RBFOX1: variants seen among roughly 807,000 people sequenced by gnomAD.
RBFOX1 encodes the protein RNA binding fox-1 homolog 1.
In RBFOX1, 8 loss-of-function variants were observed where a neutral mutation model predicts 57.7. The observed-to-expected ratio is 0.14, with a 90% CI of 0.08 to 0.25. The LOEUF is 0.25. RBFOX1 is among the 10% of genes least tolerant of loss of function. RBFOX1 has a pLI of 1.00. For missense variants in RBFOX1, 611 were observed against 548.5 expected, an observed-to-expected ratio of 1.11 and a Z score of -1.14; for synonymous variants, 326 against 222.4, an observed-to-expected ratio of 1.47 and a Z score of -4.15.
At chr16:5,728,573 A>C (rs2052240505) in intron 3 of RBFOX1, among the ~76,000 whole-genome samples, 1 of 152,052 alleles carries the variant, frequency 6.6e-6, no homozygotes, top group African/African-American at 2.4e-5. Flanking sequence ...GAAAGGCGGG[A>C]ACACCATTCT....
chr16:6,662,813 A>T (rs903661807), intron 3 of RBFOX1, among the ~76,000 whole-genome samples: 2 of 152,356 alleles, frequency 1.3e-5, no homozygotes, highest in Non-Finnish European at 2.9e-5. Context: ...ATGACAAAAA[A>T]AATACTGTTC....
At chr16:5,469,310 A>C (rs2069055493) in intron 2 of RBFOX1, among the ~76,000 whole-genome samples, 1 of 152,160 alleles carries the variant, frequency 6.6e-6, no homozygotes, top group South Asian at 2.1e-4. Flanking sequence ...TTTCAGGACT[A>C]GTTGGGTGTT....
intron 1 of RBFOX1, among the ~76,000 whole-genome samples, chr16:5,423,118 G>A (rs963498028): frequency 8.1e-5 from 12 of 147,952 alleles, no homozygotes; most frequent in Admixed American, 6.7e-5. Flanking sequence ...AGGGAGGAAG[G>A]GGAGGGAGGA....
At chr16:7,103,612 C>G (rs571657846) in intron 4 of RBFOX1, among the ~76,000 whole-genome samples, 1 of 152,158 alleles carries the variant, frequency 6.6e-6, no homozygotes, top group African/African-American at 2.4e-5. Context: ...TGAATGATTT[C>G]TCTTCTTCAC....
At chr16:6,978,384 A>G (rs576991226) in intron 3 of RBFOX1, among the ~76,000 whole-genome samples, 1 of 152,236 alleles carries the variant, frequency 6.6e-6, no homozygotes, top group Non-Finnish European at 1.5e-5. Context: ...TACAGACGTC[A>G]TGAGGACAAT....
At chr16:7,420,740 T>A (rs2098532981) in intron 4 of RBFOX1, among the ~76,000 whole-genome samples, 1 of 151,768 alleles carries the variant, frequency 6.6e-6, no homozygotes, top group African/African-American at 2.4e-5. Flanking sequence ...TTCAATTACA[T>A]CTAGAGCATT....
chr16:6,109,150 G>C (rs2096415715), intron 1 of RBFOX1, among the ~76,000 whole-genome samples: 1 of 152,132 alleles, frequency 6.6e-6, no homozygotes, highest in Middle Eastern at 3.2e-3. Context: ...GTATCAGTGG[G>C]GGCGTTTTCT....
At chr16:5,276,417 T>C (rs2063141438) in intron 1 of RBFOX1, among the ~76,000 whole-genome samples, 1 of 152,026 alleles carries the variant, frequency 6.6e-6, no homozygotes, top group South Asian at 2.1e-4. Flanking sequence ...AACAAACATA[T>C]GAAAAAATGC....
At chr16:5,278,657 A>T (rs747875460) in intron 1 of RBFOX1, among the ~76,000 whole-genome samples, 3 of 152,190 alleles carry the variant, frequency 2.0e-5, no homozygotes, top group Non-Finnish European at 2.9e-5. Flanking sequence ...TTTAAGTGTT[A>T]GCCATGCAAT....
intron 2 of RBFOX1, among the ~76,000 whole-genome samples, chr16:6,583,122 C>G (rs1233884186): frequency 6.6e-6 from 1 of 152,114 alleles, no homozygotes; most frequent in Non-Finnish European, 1.5e-5. Flanking sequence ...TCAGAGCCAG[C>G]ATTCTCCACT....
At position 6,611,595 on chromosome 16, in the gene RBFOX1, C is replaced by T. The variant is rs548604416; in HGVS notation, c.-63-43008C>T. 1.2e-4 allele frequency among the ~76,000 whole-genome samples: 19 copies of T among 152,288 alleles called. No homozygotes were observed. The South Asian group carries it at 2.1e-3, about 17-fold the overall frequency. On this transcript the variant is annotated intron_variant, in intron 2 of 15. Transcript: ENST00000550418. ...CACAGTGAGCATGGTTTTTCCTATC[C>T]GTGTTCCGCTGTTCAAGGAAACTGC...
Position 7,079,553 on chromosome 16 carries a change from G to T in RBFOX1, c.27+27455G>T, listed in dbSNP as rs77293839. On this transcript the variant is annotated intron_variant, in intron 4 of 15. Coordinates refer to ENST00000550418, the MANE Select transcript of RBFOX1 (RefSeq NM_018723.4). ...TAAATTCTTGGAGTATTTAGAGGTG[G>T]TGTCACATCTGTTTCTCTCCCTCTG... Among the ~76,000 whole-genome samples, 154 of 152,240 alleles carry T rather than the reference G, an allele frequency of 1.0e-3. 1 individual carries two copies. Among genetic ancestry groups the T allele is most frequent in the African/African-American group, 3.6e-3 (151 of 41,526 alleles).
chr16:5,314,550 G>A (rs763830425), intron 1 of RBFOX1, among the ~76,000 whole-genome samples: 1 of 152,104 alleles, frequency 6.6e-6, no homozygotes, highest in Non-Finnish European at 1.5e-5. Flanking sequence ...GCCCAGGCTG[G>A]CGTGCAGTGG....
intron 3 of RBFOX1, among the ~76,000 whole-genome samples, chr16:6,709,380 C>G (rs902138651): frequency 2.0e-5 from 3 of 152,050 alleles, no homozygotes; most frequent in African/African-American, 7.2e-5. Context: ...AAGCATGCAT[C>G]ACTTGTTATT....
chr16:6,748,094 T>A (rs12443819), intron 3 of RBFOX1, among the ~76,000 whole-genome samples: 16,003 of 152,194 alleles, frequency 0.11, 1,144 homozygotes, highest in African/African-American at 0.2. Context: ...ACTGAACTTG[T>A]ATATGTAATT....
rs184010236 is a variant in RBFOX1, at chr16:5,543,710, C to G, written c.259-55192C>G. On this transcript the variant is annotated intron_variant, in intron 2 of 2. Transcript: ENST00000585867. ...ACTCAATGAACACACAGAAGAGACACGAAGAAAACTACTCTAGGCACATCA... is the reference window on the plus strand; with the variant it reads ...ACTCAATGAACACACAGAAGAGACAGGAAGAAAACTACTCTAGGCACATCA... 8.6e-5 allele frequency among the ~76,000 whole-genome samples: 13 copies of G among 151,976 alleles called. No individual in the cohort carries two copies. The East Asian group carries it at 2.3e-3, about 27-fold the overall frequency.
chr16:6,875,266 T>A lies in RBFOX1; in HGVS notation c.-15-176791T>A, dbSNP rs376625811. On this transcript the variant is annotated intron_variant, in intron 3 of 15. Coordinates refer to ENST00000550418, the MANE Select transcript of RBFOX1 (RefSeq NM_018723.4). ...GAAATTTCAGTATCTCTGAAGACTC[T>A]TCGGTTGTCTAAACAATACAACTCG... Among the ~76,000 whole-genome samples the A allele has an allele frequency of 6.6e-5, 10 of 152,342 alleles. 1 individual carries two copies. Among genetic ancestry groups the A allele is most frequent in the East Asian group, 1.9e-4 (1 of 5,184 alleles).
intron 3 of RBFOX1, among the ~76,000 whole-genome samples, chr16:6,701,564 G>A (rs913280414): frequency 6.6e-6 from 1 of 152,170 alleles, no homozygotes; most frequent in Non-Finnish European, 1.5e-5. Context: ...TCTGGTGGAA[G>A]GTGAAGGGGG....
chr16:6,925,119 T>TG (rs2075312526), intron 3 of RBFOX1, among the ~76,000 whole-genome samples: 5 of 33,164 alleles, frequency 1.5e-4, no homozygotes, highest in Non-Finnish European at 2.6e-4. Flanking sequence ...GTTTTTTTTT[T>TG]TTTTTTTTTT....
Sources: allele counts gnomAD v4.1 joint callset (sites outside exome capture counted in the v4.1 genomes callset), GRCh38; gene constraint gnomAD v4.1.1; transcripts MANE v1.5; gene names NCBI Gene and HGNC (gene_info 2026-07-23, HGNC 2026-07-21).